The following NRDC variants were observed in gnomAD, a reference collection of about 807,000 sequenced individuals.
NRDC encodes nardilysin convertase, also known as nardilysin.
Under a neutral mutation model 147.1 loss-of-function variants are expected in NRDC, and 54 were observed. The ratio of observed to expected loss-of-function variants is 0.37; its 90% CI spans 0.29 to 0.46. NRDC has a LOEUF of 0.46. Among genes scored for constraint, NRDC ranks in the 20% least tolerant of loss-of-function variants. The probability of loss-of-function intolerance (pLI) is 1.00; values close to 1 mark genes in which losing one functional copy is unlikely to be tolerated. For synonymous variants in NRDC, 440 were observed against 482.1 expected, an observed-to-expected ratio of 0.91 and a Z score of 1.14; for missense variants, 1,082 against 1,370.6, an observed-to-expected ratio of 0.79 and a Z score of 3.33.
At chr1:51,828,440 C>T (rs1680542804) in intron 4 of NRDC, among the ~76,000 whole-genome samples, 1 of 151,926 alleles carries the variant, frequency 6.6e-6, no homozygotes, top group Admixed American at 6.6e-5. Flanking sequence ...TAGTTCAATG[C>T]AAGTTTACAG....
chr1:51,841,115 T>C (rs1263491918), intron 1 of NRDC, among the ~76,000 whole-genome samples: 1 of 152,220 alleles, frequency 6.6e-6, no homozygotes, highest in Non-Finnish European at 1.5e-5. Flanking sequence ...TCTGCTTTTT[T>C]TGAGACAGAG....
intron 2 of NRDC, among the ~76,000 whole-genome samples, chr1:51,839,218 GGTGTAATCAA>G (rs1335402625): frequency 1.4e-5 from 2 of 143,232 alleles, no homozygotes; most frequent in African/African-American, 5.2e-5. Context: ...GGAGTGCAGT[GGTGTAATCAA>G]AGCTCACTGC....
In NRDC at chr1:51,878,387, G is replaced by A; in HGVS notation, c.229C>T (p.Arg77Trp). 1 of 1,614,108 alleles carries A rather than the reference G, an allele frequency of 6.2e-7. No individual in the cohort carries two copies. Among genetic ancestry groups the A allele is most frequent in the Non-Finnish European group, 8.5e-7 (1 of 1,180,024 alleles). Residue 77 changes from arginine to tryptophan, a missense_variant, in exon 1 of 31, where the codon CGG becomes TGG. Coordinates refer to ENST00000352171, the MANE Select transcript of NRDC (RefSeq NM_001101662.2). ...TCATCCGCTCCTAGACGGGCAACCC[G>A]GCTGTTCTCGCCCAGATCCTGTCCA... The part of the protein sequence containing the change: ...PNGQDLGENS[R>W]VARLGADESE...
chr1:51,858,235 G>A (rs961169430), intron 1 of NRDC, among the ~76,000 whole-genome samples: 11 of 152,026 alleles, frequency 7.2e-5, no homozygotes, highest in African/African-American at 2.4e-5. Flanking sequence ...ATCCCAACAC[G>A]TTGGGAGATC....
intron 14 of NRDC, among the ~76,000 whole-genome samples, chr1:51,813,471 A>G (rs1246240028): frequency 1.4e-4 from 22 of 152,126 alleles, no homozygotes; most frequent in Admixed American, 1.4e-3. Context: ...ACCTCATAAC[A>G]TATCCCATAC....
Position 51,792,445 on chromosome 1 carries a change from G to A in NRDC, c.2776-21C>T, listed in dbSNP as rs1332113926. ...CCTGACTGAAAAGAGAAGGTTGTCAGGCCAACTGAATATCCAGTGGTTTAC... is the reference window on the plus strand; with the variant it reads ...CCTGACTGAAAAGAGAAGGTTGTCAAGCCAACTGAATATCCAGTGGTTTAC... On this transcript the variant is annotated intron_variant, in intron 24 of 30. Coordinates refer to ENST00000352171, the MANE Select transcript of NRDC (RefSeq NM_001101662.2). 3 of 1,613,076 alleles carry A rather than the reference G, an allele frequency of 1.9e-6. No individual in the cohort carries two copies. In the African/African-American group the frequency reaches 4.0e-5, roughly 22 times the overall value.
In NRDC at chr1:51,840,338, T is replaced by C. The variant is rs775666929; in HGVS notation, c.518A>G (p.Asp173Gly). The change falls in exon 2 of 31, where the codon GAT (aspartate) becomes GGT (glycine). Residue 173 changes from aspartate (D) to glycine (G), a missense_variant. Asp to Gly is a moderately conservative substitution (Grantham distance 94, BLOSUM62 -1). Coordinates refer to ENST00000352171, the MANE Select transcript of NRDC (RefSeq NM_001101662.2). ...EIEDDDEEGF[D>G]DEDEFDDEHD... ...TTCATCATCAAACTCATCTTCATCA[T>C]CAAAACCCTCTTCATCGTCATCTTC... The C allele has an allele frequency of 6.5e-7, 1 of 1,535,878 alleles. No homozygotes were observed. Among genetic ancestry groups the C allele is most frequent in the East Asian group, 2.2e-5 (1 of 44,452 alleles).
intron 21 of NRDC, 32 bp downstream of exon 21, chr1:51,800,524 T>C (rs1449601872): frequency 1.2e-6 from 2 of 1,611,328 alleles, no homozygotes; most frequent in Non-Finnish European, 1.7e-6. Context: ...TTTCAGGTCC[T>C]CAAAATATAA....
chr1:51,849,095 C>A (rs974830502), intron 1 of NRDC, among the ~76,000 whole-genome samples: 1 of 152,140 alleles, frequency 6.6e-6, no homozygotes, highest in East Asian at 1.9e-4. Flanking sequence ...CCATAAAAAA[C>A]CCCAACAAGG....
In NRDC at chr1:51,807,664, G is replaced by A. The variant is rs191972434; in HGVS notation, c.1991-751C>T. Among the ~76,000 whole-genome samples, 27 of 152,240 alleles carry A rather than the reference G, an allele frequency of 1.8e-4. No individual in the cohort carries two copies. The East Asian group carries it at 4.2e-3, about 24-fold the overall frequency. ...CAAGGCTGCAGTGAGCCATGATCAT[G>A]CCACTGCACTCCAACCTGGGCAACA... On this transcript the variant is annotated intron_variant, in intron 17 of 30. Coordinates refer to ENST00000352171, the MANE Select transcript of NRDC (RefSeq NM_001101662.2).
intron 24 of NRDC, 66 bp from the exon 25 acceptor site, chr1:51,792,490 G>T (rs1488071778): frequency 2.1e-6 from 3 of 1,447,364 alleles, no homozygotes; most frequent in Non-Finnish European, 1.9e-6. Context: ...AAATAATCCA[G>T]CTATTCTAGG....
Position 51,806,896 on chromosome 1 carries a change from T to C in NRDC, c.2008A>G (p.Lys670Glu). ...NKYIATDFTL[K>E]AFDCPETEYP... The stretch of plus-strand genomic sequence containing the variant: ...TCTGTTTCCGGGCAATCGAAAGCCT[T>C]CAACGTAAAGTCCGTGGCTAATAAA... The change falls in exon 18 of 31, where the codon AAG becomes GAG. Residue 670 changes from lysine (K) to glutamate (E), a missense_variant. Around this residue, in one of 3 missense-constraint regions of NRDC, gnomAD observed 635 missense variants for 923.8 expected, o/e 0.69. Coordinates refer to ENST00000352171, the MANE Select transcript of NRDC (RefSeq NM_001101662.2). The C allele has an allele frequency of 6.2e-7, 1 of 1,613,834 alleles. No individual in the cohort carries two copies. Among genetic ancestry groups the C allele is most frequent in the Non-Finnish European group, 8.5e-7 (1 of 1,179,832 alleles).
In NRDC at chr1:51,840,387, C is replaced by A. The variant is rs765149475; in HGVS notation, c.469G>T (p.Asp157Tyr). 11 of 1,517,762 alleles carry A rather than the reference C, an allele frequency of 7.2e-6. 1 individual carries two copies. The East Asian group carries it at 2.7e-4, about 38-fold the overall frequency. The allele number at this position is 1,517,762 out of a possible 1,614,324, so 94.0% of individuals were successfully genotyped here. A position where few individuals can be genotyped will look rare whatever the true frequency, so the allele number is the denominator to read the frequency against. ...EEVEEEEEDD[D>Y]EDSGAEIEDD... ...TCTATTTCAGCTCCAGAATCTTCATCATCATCTTCTTCTTCTTCCTCCACC... is the reference window on the plus strand; with the variant it reads ...TCTATTTCAGCTCCAGAATCTTCATAATCATCTTCTTCTTCTTCCTCCACC... Residue 157 changes from aspartate (D) to tyrosine (Y), a missense_variant, in exon 2 of 31, where the codon GAT (aspartate) becomes TAT (tyrosine). Asp to Tyr is a radical substitution (Grantham distance 160). Transcript: ENST00000352171.
intron 5 of NRDC, among the ~76,000 whole-genome samples, chr1:51,827,399 A>G (rs1434240454): frequency 6.6e-6 from 1 of 152,232 alleles, no homozygotes; most frequent in Non-Finnish European, 1.5e-5. Flanking sequence ...TAATACTTAA[A>G]TAAATCAAGC....
rs111888000 is a variant in NRDC, at chr1:51,847,651, G to A, written c.342-7137C>T. Among the ~76,000 whole-genome samples, 1,368 of 152,302 alleles carry A rather than the reference G, an allele frequency of 9.0e-3. 23 individuals carry two copies. Among genetic ancestry groups the A allele is most frequent in the African/African-American group, 0.031 (1,296 of 41,572 alleles). On this transcript the variant is annotated intron_variant, in intron 1 of 30. Coordinates refer to ENST00000352171, the MANE Select transcript of NRDC (RefSeq NM_001101662.2). ...AAGCCCCTCACTGCCAGGGGCCAGCGGCCACTCTGAGTGCGGGCCCGCCAA... is the reference window on the plus strand; with the variant it reads ...AAGCCCCTCACTGCCAGGGGCCAGCAGCCACTCTGAGTGCGGGCCCGCCAA...
intron 1 of NRDC, among the ~76,000 whole-genome samples, chr1:51,850,489 T>C (rs1475124584): frequency 6.6e-6 from 1 of 152,164 alleles, no homozygotes; most frequent in Non-Finnish European, 1.5e-5. Flanking sequence ...CCCCTAAGCA[T>C]AGAAATACAA....
At chr1:51,836,575 G>A (rs993392692) in intron 2 of NRDC, 15 of 689,044 alleles carry the variant, frequency 2.2e-5, no homozygotes, top group Admixed American at 1.3e-4. Flanking sequence ...GGAAATCTGC[G>A]GAAGTAACAT....
At chr1:51,810,011 G>A in intron 16 of NRDC, among the ~76,000 whole-genome samples, 1 of 151,886 alleles carries the variant, frequency 6.6e-6, no homozygotes, top group African/African-American at 2.4e-5. Flanking sequence ...TGACAAAAAT[G>A]CACACTACAT....
At chr1:51,866,970 T>C (rs531573142) in intron 1 of NRDC, among the ~76,000 whole-genome samples, 2 of 152,246 alleles carry the variant, frequency 1.3e-5, no homozygotes, top group South Asian at 2.1e-4. Flanking sequence ...GTTTTATATA[T>C]ACATATATGC....
Sources: allele counts gnomAD v4.1 joint callset (sites outside exome capture counted in the v4.1 genomes callset), GRCh38; gene constraint gnomAD v4.1.1; regional missense constraint gnomAD v4.1.1; transcripts MANE v1.5; gene names NCBI Gene and HGNC (gene_info 2026-07-23, HGNC 2026-07-21).